The following ITPR1 variants were observed in gnomAD, a reference collection of about 807,000 sequenced individuals.
The protein encoded by ITPR1 is inositol 1,4,5-trisphosphate-gated calcium channel ITPR1.
Under a neutral mutation model 318.4 loss-of-function variants are expected in ITPR1, and 96 were observed. That is an observed-to-expected ratio of 0.30 (90% CI 0.26 to 0.36). The LOEUF is 0.36. ITPR1 is among the 10% of genes least tolerant of loss of function. The probability of loss-of-function intolerance (pLI) is 1.00; values close to 1 mark genes in which losing one functional copy is unlikely to be tolerated. For synonymous variants in ITPR1, 1,312 were observed against 1,289.9 expected (o/e 1.02, Z -0.37); for missense variants, 2,440 against 3,460.2 (o/e 0.71, Z 7.40).
At chr3:4,495,055 T>G (rs1420835733) in intron 2 of ITPR1, among the ~76,000 whole-genome samples, 1 of 152,134 alleles carries the variant, frequency 6.6e-6, no homozygotes, top group Non-Finnish European at 1.5e-5. Flanking sequence ...GCCACCTGAG[T>G]GTCAAGGAAT....
chr3:4,668,657 G>A (rs1051500452), intron 18 of ITPR1, among the ~76,000 whole-genome samples: 4 of 151,952 alleles, frequency 2.6e-5, no homozygotes, highest in African/African-American at 9.7e-5. Flanking sequence ...TAATAGAGAC[G>A]GGGTTTCACC....
chr3:4,714,305 AC>A (rs112282402), intron 39 of ITPR1, among the ~76,000 whole-genome samples: 2,277 of 152,278 alleles, frequency 0.015, 61 homozygotes, highest in African/African-American at 0.052. Context: ...GGACGACACC[AC>A]GGTGAGTGTG....
At chr3:4,519,380 C>T (rs1347928856) in intron 3 of ITPR1, among the ~76,000 whole-genome samples, 2 of 152,192 alleles carry the variant, frequency 1.3e-5, no homozygotes, top group African/African-American at 4.8e-5. Flanking sequence ...GCGCCTGCCA[C>T]CACGCCCAGC....
chr3:4,544,211 T>C (rs1224723631), intron 4 of ITPR1, among the ~76,000 whole-genome samples: 1 of 152,344 alleles, frequency 6.6e-6, no homozygotes, highest in Non-Finnish European at 1.5e-5. Flanking sequence ...CAGGTCACCA[T>C]GTGGTGGAAA....
At position 4,685,054 on chromosome 3, in the gene ITPR1, C is replaced by A. The variant is rs964669176; in HGVS notation, c.3565-15C>A. 3.1e-6 allele frequency: 5 copies of A among 1,604,352 alleles called. No individual in the cohort carries two copies. The highest frequency in any genetic ancestry group is 2.7e-5 in the African/African-American group (2 of 74,804). On this transcript the variant is annotated splice_polypyrimidine_tract_variant and intron_variant, in intron 29 of 61. Coordinates refer to ENST00000649015, the MANE Select transcript of ITPR1 (RefSeq NM_001378452.1). ...GTTCCTAGTTTTCTGAGACTGATTT[C>A]TTTCATTCTACTAGATTTTGATTCG... is the stretch of plus-strand genomic sequence containing the variant.
chr3:4,807,290 T>G (rs1450092359), intron 55 of ITPR1, among the ~76,000 whole-genome samples: 1 of 152,120 alleles, frequency 6.6e-6, no homozygotes, highest in Non-Finnish European at 1.5e-5. Context: ...TCCTATTGCG[T>G]TTTCTTAAAG....
At chr3:4,496,111 C>T (rs185625515) in intron 2 of ITPR1, among the ~76,000 whole-genome samples, 50 of 152,262 alleles carry the variant, frequency 3.3e-4, no homozygotes, top group African/African-American at 1.2e-3. Flanking sequence ...AGGCTCACCT[C>T]CTAGCTGAAA....
At chr3:4,643,597 T>C (rs1241700122) in intron 7 of ITPR1, among the ~76,000 whole-genome samples, 1 of 49,394 alleles carries the variant, frequency 2.0e-5, no homozygotes. Flanking sequence ...TATTGTTTTT[T>C]TGGGGGGGGG....
chr3:4,652,613 A>G (rs914314228), intron 11 of ITPR1, among the ~76,000 whole-genome samples: 4 of 152,364 alleles, frequency 2.6e-5, no homozygotes, highest in East Asian at 1.9e-4. Flanking sequence ...CGTATAAGGA[A>G]TTAGATAATC....
chr3:4,596,168 A>T (rs528057369), intron 4 of ITPR1: 1 of 152,174 alleles, frequency 6.6e-6, no homozygotes, highest in Admixed American at 6.5e-5. Flanking sequence ...GTTGCTATCT[A>T]TGTATCTATA....
chr3:4,657,402 T>TTTTC (rs2093736371), intron 12 of ITPR1, among the ~76,000 whole-genome samples: 1 of 151,500 alleles, frequency 6.6e-6, no homozygotes, highest in African/African-American at 2.4e-5. Context: ...TTTTTGTTTT[T>TTTTC]TTTTTTTAAT....
At chr3:4,588,597 T>A (rs906387277) in intron 4 of ITPR1, among the ~76,000 whole-genome samples, 7 of 152,168 alleles carry the variant, frequency 4.6e-5, no homozygotes, top group Non-Finnish European at 2.9e-5. Context: ...ACTCTCTAGA[T>A]GATCTCATCC....
At chr3:4,593,846 T>C (rs917103185) in intron 4 of ITPR1, among the ~76,000 whole-genome samples, 1 of 152,184 alleles carries the variant, frequency 6.6e-6, no homozygotes, top group African/African-American at 2.4e-5. Context: ...TTGAGGCCTA[T>C]TGATTGCTGG....
At chr3:4,783,602 T>A (rs916760371) in intron 50 of ITPR1, among the ~76,000 whole-genome samples, 2 of 152,148 alleles carry the variant, frequency 1.3e-5, no homozygotes, top group African/African-American at 4.8e-5. Context: ...GAACCATGTG[T>A]GGGCACGAGC....
intron 39 of ITPR1, among the ~76,000 whole-genome samples, chr3:4,713,628 T>A (rs2041545832): frequency 6.6e-6 from 1 of 152,120 alleles, no homozygotes; most frequent in Non-Finnish European, 1.5e-5. Context: ...ATGAGAAATG[T>A]CGTAATGCAT....
chr3:4,658,338 G>T lies in ITPR1; in HGVS notation c.1151+60G>T, dbSNP rs1018265272. ...AGGCCTGGTGTAGGTGGCCTGACCA[G>T]GTTTCTTGGAATCCAAATCGTTACT... On this transcript the variant is annotated intron_variant, in intron 13 of 61. Transcript: ENST00000649015. 4 of 1,405,726 alleles carry T rather than the reference G, an allele frequency of 2.8e-6. No individual in the cohort carries two copies. The African/African-American group carries it at 4.4e-5, about 15-fold the overall frequency. The allele number at this position is 1,405,726 out of a possible 1,614,324, so 87.1% of individuals were successfully genotyped here.
intron 5 of ITPR1, among the ~76,000 whole-genome samples, chr3:4,632,249 A>G (rs79865812): frequency 0.018 from 2,708 of 152,330 alleles, 31 homozygotes; most frequent in Non-Finnish European, 0.025. Flanking sequence ...TGGAGGGTCT[A>G]TGTGTCTTTA....
chr3:4,576,816 C>G (rs934755096), intron 4 of ITPR1, among the ~76,000 whole-genome samples: 2 of 152,080 alleles, frequency 1.3e-5, no homozygotes, highest in African/African-American at 2.4e-5. Context: ...CCTATTCAAC[C>G]CTGTCATTTA....
chr3:4,815,357 C>T, intron 59 of ITPR1, 139 bp downstream of exon 59: 4 of 699,528 alleles, frequency 5.7e-6, no homozygotes, highest in Non-Finnish European at 7.1e-6. Flanking sequence ...CGTCTTGACT[C>T]TTCTACCCTC....
Sources: allele counts gnomAD v4.1 joint callset (sites outside exome capture counted in the v4.1 genomes callset), GRCh38; gene constraint gnomAD v4.1.1; transcripts MANE v1.5; gene names NCBI Gene and HGNC (gene_info 2026-07-23, HGNC 2026-07-21).